GRXCR2: variants seen among roughly 807,000 people sequenced by gnomAD.
GRXCR2 encodes glutaredoxin and cysteine rich domain containing 2.
Under a neutral mutation model 24.8 loss-of-function variants are expected in GRXCR2, and 23 were observed. The observed-to-expected ratio is 0.93, with a 90% CI of 0.67 to 1.32. The LOEUF is 1.32. Ranked by LOEUF, GRXCR2 falls within the 40% of genes most tolerant of loss-of-function variation. The probability of loss-of-function intolerance (pLI) is 0.00; values close to 1 mark genes in which losing one functional copy is unlikely to be tolerated. For synonymous variants in GRXCR2, 130 were observed against 116.1 expected (o/e 1.12, Z -0.77); for missense variants, 315 against 303.4 (o/e 1.04, Z -0.28).
chr5:145,882,201 G>A lies in GRXCR2; in HGVS notation c.-69-15473C>T, dbSNP rs755397901. Among the ~76,000 whole-genome samples, 16 of 152,024 alleles carry A rather than the reference G, an allele frequency of 1.1e-4. No individual in the cohort carries two copies. The East Asian group carries it at 2.1e-3, about 20-fold the overall frequency. ...TATTTAAACTAAAGAGCTCCTGCAC[G>A]GCAAAAGAAACTACCGTCAGAGTGA... is the stretch of plus-strand genomic sequence containing the variant. On this transcript the variant is annotated intron_variant, in intron 2 of 3. Coordinates refer to the GRXCR2 transcript ENST00000639411.
chr5:145,897,223 C>T (rs1055692568), intron 2 of GRXCR2, among the ~76,000 whole-genome samples: 13 of 148,968 alleles, frequency 8.7e-5, no homozygotes, highest in Middle Eastern at 3.4e-3. Flanking sequence ...CTCATGTATA[C>T]GTATGTAACA....
intron 2 of GRXCR2, among the ~76,000 whole-genome samples, chr5:145,925,935 C>T (rs1757388004): frequency 6.6e-6 from 1 of 151,944 alleles, no homozygotes; most frequent in Non-Finnish European, 1.5e-5. Context: ...TGGGGAATTA[C>T]TGAATTTTGC....
upstream of GRXCR2, among the ~76,000 whole-genome samples, chr5:145,874,423 C>T (rs1756581921): frequency 6.6e-6 from 1 of 151,948 alleles, no homozygotes; most frequent in South Asian, 2.1e-4. Flanking sequence ...AGGATGGTCT[C>T]AATCTCTTGA....
At chr5:145,897,383 A>G (rs1756966508) in intron 2 of GRXCR2, among the ~76,000 whole-genome samples, 1 of 152,114 alleles carries the variant, frequency 6.6e-6, no homozygotes, top group Admixed American at 6.6e-5. Context: ...ACTTTAACAC[A>G]CCACTGACAG....
intron 2 of GRXCR2, among the ~76,000 whole-genome samples, chr5:145,881,555 T>C (rs918099754): frequency 6.6e-6 from 1 of 152,230 alleles, no homozygotes; most frequent in African/African-American, 2.4e-5. Flanking sequence ...GAACATCCCA[T>C]GCTCATGGAT....
chr5:145,916,688 A>G (rs992699564), intron 2 of GRXCR2, among the ~76,000 whole-genome samples: 7 of 152,242 alleles, frequency 4.6e-5, no homozygotes, highest in Admixed American at 2.0e-4. Flanking sequence ...CATAGCTATC[A>G]GGCCTGGGTT....
chr5:145,911,660 C>T (rs1757168709), intron 2 of GRXCR2, among the ~76,000 whole-genome samples: 1 of 152,164 alleles, frequency 6.6e-6, no homozygotes, highest in African/African-American at 2.4e-5. Flanking sequence ...TCTGAAATCC[C>T]CTTCAGATCC....
At chr5:145,922,564 G>A (rs1197480496) in intron 2 of GRXCR2, among the ~76,000 whole-genome samples, 3 of 152,162 alleles carry the variant, frequency 2.0e-5, no homozygotes, top group Non-Finnish European at 4.4e-5. Context: ...TCACAACATC[G>A]TTGTTGAATG....
At position 145,860,245 on chromosome 5, in the gene GRXCR2, C is replaced by A. The variant is rs185843771; in HGVS notation, c.565-330G>T. Among the ~76,000 whole-genome samples, 389 of 152,270 alleles carry A rather than the reference C, an allele frequency of 2.6e-3. 1 individual carries two copies. Among genetic ancestry groups the A allele is most frequent in the African/African-American group, 9.1e-3 (379 of 41,566 alleles). On this transcript the variant is annotated intron_variant, in intron 2 of 2. Coordinates refer to ENST00000377976, the MANE Select transcript of GRXCR2 (RefSeq NM_001080516.2). ...GGCAAGGACTTTATTTTCCTTATTGCCAAATACTACAAGTGAACCCTTGTA... is the reference window on the plus strand; with the variant it reads ...GGCAAGGACTTTATTTTCCTTATTGACAAATACTACAAGTGAACCCTTGTA...
At chr5:145,921,379 T>A (rs759881122) in intron 2 of GRXCR2, among the ~76,000 whole-genome samples, 1 of 152,176 alleles carries the variant, frequency 6.6e-6, no homozygotes, top group South Asian at 2.1e-4. Context: ...AATCCACCTC[T>A]ACAGCAATTG....
At chr5:145,920,933 C>T (rs900522229) in intron 2 of GRXCR2, among the ~76,000 whole-genome samples, 1 of 152,246 alleles carries the variant, frequency 6.6e-6, no homozygotes, top group Non-Finnish European at 1.5e-5. Context: ...ATCTATGAAC[C>T]AGAGAGCAGG....
chr5:145,865,664 T>A (rs1411092302), intron 2 of GRXCR2, among the ~76,000 whole-genome samples: 2 of 152,230 alleles, frequency 1.3e-5, no homozygotes, highest in African/African-American at 2.4e-5. Context: ...TTGTTCACTT[T>A]CAGCACATTG....
chr5:145,927,296 T>G (rs1469382331), intron 2 of GRXCR2, among the ~76,000 whole-genome samples: 2 of 152,192 alleles, frequency 1.3e-5, no homozygotes, highest in Non-Finnish European at 2.9e-5. Context: ...AGGGCATCCC[T>G]GTCTTGTGCC....
At chr5:145,871,592 T>C (rs1353108742) in intron 1 of GRXCR2, among the ~76,000 whole-genome samples, 5 of 152,134 alleles carry the variant, frequency 3.3e-5, no homozygotes, top group Non-Finnish European at 7.3e-5. Context: ...AGATAAGAGG[T>C]CATTCATTTC....
rs567166969 is a variant in GRXCR2, at chr5:145,924,662, T to C, written c.-70+11039A>G. On this transcript the variant is annotated intron_variant, in intron 2 of 3. Transcript: ENST00000639411. ...AGCCTGCCTGAGTGTAAGTTCCGAG[T>C]TCCTCAAGCACTGGCTGGGATAATA... is the stretch of plus-strand genomic sequence containing the variant. Among the ~76,000 whole-genome samples, 18 of 152,136 alleles carry C rather than the reference T, an allele frequency of 1.2e-4. No individual in the cohort carries two copies. In the East Asian group the frequency reaches 3.1e-3, roughly 26 times the overall value.
intron 2 of GRXCR2, among the ~76,000 whole-genome samples, chr5:145,881,593 C>G (rs1756702174): frequency 6.6e-6 from 1 of 152,180 alleles, no homozygotes; most frequent in Non-Finnish European, 1.5e-5. Flanking sequence ...TGAAAATGGC[C>G]ATGCTGTCCA....
rs1756959943 is a variant in GRXCR2, at chr5:145,897,006, C to G, written c.-69-30278G>C. Reference sequence around the variant, plus strand: ...GTAGGGACATGGATGAAGCTGGAAACCATCATTCTCAGCAAACTATCGCAA... The same window carrying G: ...GTAGGGACATGGATGAAGCTGGAAAGCATCATTCTCAGCAAACTATCGCAA... On this transcript the variant is annotated intron_variant, in intron 2 of 3. Transcript: ENST00000639411. Among the ~76,000 whole-genome samples the G allele has an allele frequency of 2.0e-5, 3 of 151,558 alleles. No homozygotes were observed. The South Asian group carries it at 6.3e-4, about 32-fold the overall frequency.
At chr5:145,871,125 T>C (rs541970361) in intron 1 of GRXCR2, among the ~76,000 whole-genome samples, 1 of 152,242 alleles carries the variant, frequency 6.6e-6, no homozygotes, top group Non-Finnish European at 1.5e-5. Flanking sequence ...AGCACATGAC[T>C]TATGAAGATC....
In GRXCR2 at chr5:145,928,764, A is replaced by AG. The variant is rs1272468271; in HGVS notation, c.-70+6936dup. On this transcript the variant is annotated intron_variant, in intron 2 of 3. Coordinates refer to the GRXCR2 transcript ENST00000639411. The stretch of plus-strand genomic sequence containing the variant: ...CCAGGGCCTGTTGTGGGGTGGGGGG[A>AG]GGGGGGAAGGATAGCATTAGGAGAT... 8.6e-5 allele frequency among the ~76,000 whole-genome samples: 6 copies of AG among 70,148 alleles called. 1 individual carries two copies. In the South Asian group the frequency reaches 3.5e-3, roughly 41 times the overall value. 46.0% of individuals were successfully genotyped at this position (70,148 alleles called of 152,430 possible). A position where few individuals can be genotyped will look rare whatever the true frequency, so the allele number is the denominator to read the frequency against.
Sources: gnomAD v4.1 joint callset for allele counts (sites outside exome capture counted in the v4.1 genomes callset) on GRCh38, gnomAD v4.1.1 for gene constraint, MANE v1.5 for transcripts, NCBI Gene and HGNC (gene_info 2026-07-23, HGNC 2026-07-21) for gene names.